The following CTNNBIP1 variants were observed in gnomAD, a reference collection of about 807,000 sequenced individuals.
The protein encoded by CTNNBIP1 is beta-catenin-interacting protein 1.
A neutral mutation model predicts 11.8 loss-of-function variants in CTNNBIP1; 7 were observed. That is an observed-to-expected ratio of 0.60 (90% CI 0.34 to 1.12). The LOEUF is 1.12. Ranked by LOEUF, CTNNBIP1 falls within the 50% of genes most tolerant of loss-of-function variation. The pLI, the probability that CTNNBIP1 is intolerant of heterozygous loss-of-function variation, is 0.03. For missense variants in CTNNBIP1, 101 were observed against 113.4 expected, an observed-to-expected ratio of 0.89 and a Z score of 0.50; for synonymous variants, 58 against 43.9, an observed-to-expected ratio of 1.32 and a Z score of -1.26.
intron 1 of CTNNBIP1, among the ~76,000 whole-genome samples, chr1:9,907,206 C>T (rs868514303): frequency 1.2e-4 from 19 of 152,038 alleles, no homozygotes; most frequent in African/African-American, 4.1e-4. Context: ...AGTCTTCCTC[C>T]GTCGCCCAGG....
chr1:9,897,585 G>C (rs577720838), intron 1 of CTNNBIP1, among the ~76,000 whole-genome samples: 2 of 152,288 alleles, frequency 1.3e-5, no homozygotes, highest in African/African-American at 4.8e-5. Flanking sequence ...CCAGGAGGCG[G>C]AGGTTGCAGT....
chr1:9,901,402 T>C (rs1338276654), intron 1 of CTNNBIP1, among the ~76,000 whole-genome samples: 1 of 152,060 alleles, frequency 6.6e-6, no homozygotes, highest in African/African-American at 2.4e-5. Context: ...GTGGGGCCCA[T>C]ATTATGTGAG....
At chr1:9,870,640 T>C (rs1638841353) in intron 5 of CTNNBIP1, among the ~76,000 whole-genome samples, 1 of 152,200 alleles carries the variant, frequency 6.6e-6, no homozygotes, top group African/African-American at 2.4e-5. Flanking sequence ...TCCTGCCTGT[T>C]ACCATGCTGA....
chr1:9,851,172 G>C lies in CTNNBIP1; in HGVS notation c.188-396C>G, dbSNP rs752776928. Among the ~76,000 whole-genome samples the C allele has an allele frequency of 6.6e-6, 1 of 152,168 alleles. No individual in the cohort carries two copies. The highest frequency in any genetic ancestry group is 1.5e-5 in the Non-Finnish European group (1 of 68,028). On this transcript the variant is annotated intron_variant, in intron 5 of 5. Coordinates refer to ENST00000377263, the MANE Select transcript of CTNNBIP1 (RefSeq NM_020248.3). The surrounding 1 kb of genome is among the most constrained non-coding windows in gnomAD (Gnocchi z 4.8). ...ACCTCCCTCTTTCTTCTCAAGACTC[G>C]CGTCTTGATGCCTTCGGAGGGTCTG...
intron 1 of CTNNBIP1, among the ~76,000 whole-genome samples, chr1:9,903,948 G>A (rs1439450490): frequency 3.9e-5 from 6 of 152,130 alleles, no homozygotes; most frequent in African/African-American, 9.7e-5. Flanking sequence ...CAACTAGCTC[G>A]ACCTCAAACA....
At chr1:9,909,201 A>T (rs1407417954) in intron 1 of CTNNBIP1, among the ~76,000 whole-genome samples, 1 of 152,166 alleles carries the variant, frequency 6.6e-6, no homozygotes, top group East Asian at 1.9e-4. Flanking sequence ...CCTGTACCTC[A>T]ATTTACCCAG....
chr1:9,868,095 C>A (rs1638785786), intron 5 of CTNNBIP1, among the ~76,000 whole-genome samples: 1 of 152,190 alleles, frequency 6.6e-6, no homozygotes, highest in Non-Finnish European at 1.5e-5. Flanking sequence ...TCCCAGTCCA[C>A]AGAATTCTCA....
chr1:9,870,106 G>T (rs568767547), intron 5 of CTNNBIP1, among the ~76,000 whole-genome samples: 1 of 152,354 alleles, frequency 6.6e-6, no homozygotes, highest in East Asian at 1.9e-4. Context: ...CCCTGTGCCA[G>T]GACAGAGCCC....
At chr1:9,865,224 G>A (rs1185539891) in intron 5 of CTNNBIP1, among the ~76,000 whole-genome samples, 2 of 141,918 alleles carry the variant, frequency 1.4e-5, no homozygotes, top group South Asian at 2.3e-4. Context: ...GTGAGACTCT[G>A]TCTCAAAAAA....
intron 1 of CTNNBIP1, among the ~76,000 whole-genome samples, chr1:9,887,440 G>T (rs570585024): frequency 6.6e-6 from 1 of 152,336 alleles, no homozygotes; most frequent in East Asian, 1.9e-4. Flanking sequence ...ATGTGGGCCG[G>T]GCACAGTGGC....
At chr1:9,897,137 C>T (rs1393270750) in intron 1 of CTNNBIP1, among the ~76,000 whole-genome samples, 3 of 151,750 alleles carry the variant, frequency 2.0e-5, no homozygotes, top group Admixed American at 6.6e-5. Flanking sequence ...CAAAGCGAGA[C>T]TCTGTCTCAA....
chr1:9,892,876 C>A (rs1425291475), intron 1 of CTNNBIP1: 1 of 152,164 alleles, frequency 6.6e-6, no homozygotes, highest in Non-Finnish European at 1.5e-5. Flanking sequence ...AAGGAGGAAA[C>A]CTCCCCCTAA....
At chr1:9,902,071 G>C (rs1385120685) in intron 1 of CTNNBIP1, among the ~76,000 whole-genome samples, 1 of 152,106 alleles carries the variant, frequency 6.6e-6, no homozygotes, top group East Asian at 1.9e-4. Flanking sequence ...CTGAAGGCCT[G>C]GTGCTTGGGG....
chr1:9,903,942 T>C (rs2101547859), intron 1 of CTNNBIP1, among the ~76,000 whole-genome samples: 1 of 152,328 alleles, frequency 6.6e-6, no homozygotes, highest in African/African-American at 2.4e-5. Flanking sequence ...TGTTCCCAAC[T>C]AGCTCGACCT....
intron 5 of CTNNBIP1, among the ~76,000 whole-genome samples, chr1:9,859,869 CA>C (rs1638586221): frequency 6.6e-6 from 1 of 152,186 alleles, no homozygotes; most frequent in Non-Finnish European, 1.5e-5. Context: ...ATGTAGCAGA[CA>C]AAGGCCTGTG....
intron 2 of CTNNBIP1, among the ~76,000 whole-genome samples, chr1:9,879,181 T>C (rs1373989463): frequency 6.7e-6 from 1 of 150,190 alleles, no homozygotes; most frequent in Non-Finnish European, 1.5e-5. Context: ...TGGGGAACAG[T>C]GTGAGACTCC....
At chr1:9,902,601 C>T (rs571182286) in intron 1 of CTNNBIP1, among the ~76,000 whole-genome samples, 2 of 152,144 alleles carry the variant, frequency 1.3e-5, no homozygotes, top group South Asian at 4.1e-4. Flanking sequence ...CCACTCAGGG[C>T]AGGTAGCCAC....
chr1:9,857,459 C>A (rs1638531435), intron 5 of CTNNBIP1, among the ~76,000 whole-genome samples: 1 of 149,156 alleles, frequency 6.7e-6, no homozygotes, highest in African/African-American at 2.5e-5. Flanking sequence ...CCGCTGCACT[C>A]CAGCCTGGGT....
intron 3 of CTNNBIP1, among the ~76,000 whole-genome samples, chr1:9,873,707 T>C (rs1199051932): frequency 6.6e-6 from 1 of 152,130 alleles, no homozygotes; most frequent in Non-Finnish European, 1.5e-5. Flanking sequence ...TTCTTGTCCT[T>C]TTCTCTACAC....
Sources: allele counts gnomAD v4.1 joint callset (sites outside exome capture counted in the v4.1 genomes callset), GRCh38; gene constraint gnomAD v4.1.1; non-coding constraint Gnocchi (gnomAD v3.1); transcripts MANE v1.5; gene names NCBI Gene and HGNC (gene_info 2026-07-23, HGNC 2026-07-21).